Variants in OCA2 observed in about 807,000 individuals in gnomAD.
OCA2 encodes the protein OCA2 melanosomal transmembrane protein.
A neutral mutation model predicts 100.2 loss-of-function variants in OCA2; 77 were observed. The observed-to-expected ratio is 0.77, with a 90% CI of 0.64 to 0.93. The LOEUF is 0.93. Among genes scored for constraint, OCA2 ranks in the 40% least tolerant of loss-of-function variants. The pLI is 0.00. For missense variants in OCA2, 1,062 were observed against 1,089.1 expected (o/e 0.98, Z 0.35); for synonymous variants, 432 against 439.2 (o/e 0.98, Z 0.21).
Position 27,971,135 on chromosome 15 carries a change from G to C in OCA2, c.1504-4313C>G, listed in dbSNP as rs75985354. Among the ~76,000 whole-genome samples the C allele has an allele frequency of 9.3e-5, 14 of 151,000 alleles. No individual in the cohort carries two copies. The South Asian group carries it at 1.7e-3, about 18-fold the overall frequency. Reference sequence around the variant, plus strand: ...ACGGAAAGAACCTCCCAGCATGCAAGACATGATGGGAAAACGTGAAGAACG... The same window carrying C: ...ACGGAAAGAACCTCCCAGCATGCAACACATGATGGGAAAACGTGAAGAACG... On this transcript the variant is annotated intron_variant, in intron 14 of 23. Coordinates refer to ENST00000354638, the MANE Select transcript of OCA2 (RefSeq NM_000275.3).
intron 23 of OCA2, among the ~76,000 whole-genome samples, chr15:27,778,742 C>A (rs571930712): frequency 6.6e-6 from 1 of 152,316 alleles, no homozygotes; most frequent in South Asian, 2.1e-4. Context: ...GTGAGGAAAG[C>A]TGCTGAGAGA....
At chr15:27,960,365 A>G (rs556407390) in intron 15 of OCA2, among the ~76,000 whole-genome samples, 1 of 152,330 alleles carries the variant, frequency 6.6e-6, no homozygotes, top group East Asian at 1.9e-4. Flanking sequence ...GGAAAGAGAT[A>G]TAAGATATAT....
chr15:28,095,888 A>C (rs1163547468), intron 1 of OCA2, among the ~76,000 whole-genome samples: 1 of 152,074 alleles, frequency 6.6e-6, no homozygotes, highest in Non-Finnish European at 1.5e-5. Context: ...TCCAGAGAAA[A>C]CACCCGTCAC....
chr15:28,031,455 C>G (rs1421029049), intron 3 of OCA2, among the ~76,000 whole-genome samples: 4 of 152,240 alleles, frequency 2.6e-5, no homozygotes, highest in African/African-American at 9.6e-5. Context: ...AGGCCTGGCC[C>G]AAGGCCCTTC....
intron 14 of OCA2, among the ~76,000 whole-genome samples, chr15:27,971,113 G>A (rs756918473): frequency 6.7e-5 from 10 of 148,210 alleles, no homozygotes; most frequent in Non-Finnish European, 1.3e-4. Flanking sequence ...TGAGAACACG[G>A]AAAGAACCTC....
At chr15:27,859,255 G>A (rs1380480513) in intron 21 of OCA2, among the ~76,000 whole-genome samples, 2 of 151,982 alleles carry the variant, frequency 1.3e-5, no homozygotes, top group East Asian at 1.9e-4. Context: ...TGAAAGGATC[G>A]ACGATATTGT....
At chr15:27,999,466 C>A (rs1212573990) in intron 9 of OCA2, among the ~76,000 whole-genome samples, 1 of 152,114 alleles carries the variant, frequency 6.6e-6, no homozygotes, top group Non-Finnish European at 1.5e-5. Flanking sequence ...AAATGTACCA[C>A]AACGTAATAA....
At chr15:27,936,093 C>G (rs1011877311) in intron 18 of OCA2, among the ~76,000 whole-genome samples, 15 of 152,324 alleles carry the variant, frequency 9.8e-5, no homozygotes, top group Non-Finnish European at 1.9e-4. Flanking sequence ...CCATCAACTG[C>G]CTGAAATAGA....
chr15:28,033,415 T>G (rs2042964061), intron 2 of OCA2, among the ~76,000 whole-genome samples: 1 of 152,206 alleles, frequency 6.6e-6, no homozygotes, highest in African/African-American at 2.4e-5. Context: ...TTTGCTTGCT[T>G]CTTTCTCATT....
intron 19 of OCA2, among the ~76,000 whole-genome samples, chr15:27,877,301 G>A (rs1346902587): frequency 4.0e-5 from 6 of 151,860 alleles, no homozygotes; most frequent in African/African-American, 1.4e-4. Context: ...TGAATTCTGT[G>A]GTTGTTGGAT....
intron 9 of OCA2, among the ~76,000 whole-genome samples, chr15:27,997,084 G>GAGAA (rs767762161): frequency 4.6e-5 from 6 of 131,090 alleles, no homozygotes; most frequent in African/African-American, 1.7e-4. Context: ...GAGAAAGAGA[G>GAGAA]AGAAAGAAAG....
chr15:28,075,111 AAAGATTTCTTAGAT>A (rs1373817178), intron 2 of OCA2, among the ~76,000 whole-genome samples: 2 of 152,250 alleles, frequency 1.3e-5, no homozygotes, highest in Non-Finnish European at 2.9e-5. Context: ...TGGGTTAAGC[AAAGATTTCTTAGAT>A]ACAACACCAA....
chr15:28,069,394 CTCCCCCTCCCCT>C (rs1566862515), intron 2 of OCA2, among the ~76,000 whole-genome samples: 16 of 16,528 alleles, frequency 9.7e-4, no homozygotes, highest in African/African-American at 1.8e-3. Flanking sequence ...CCCCCTCCCC[CTCCCCCTCCCCT>C]TCCCCCTCCC....
chr15:27,815,880 C>G (rs1371882128), intron 23 of OCA2, among the ~76,000 whole-genome samples: 1 of 152,170 alleles, frequency 6.6e-6, no homozygotes, highest in African/African-American at 2.4e-5. Flanking sequence ...GCCTATAATC[C>G]CAGCACTTTG....
intron 18 of OCA2, among the ~76,000 whole-genome samples, chr15:27,934,491 T>C (rs1045416817): frequency 6.6e-6 from 1 of 152,222 alleles, no homozygotes; most frequent in African/African-American, 2.4e-5. Flanking sequence ...TTCTTTAAAT[T>C]CTCAGTAAGA....
intron 23 of OCA2, among the ~76,000 whole-genome samples, chr15:27,794,381 GTGGAAC>G (rs910549340): frequency 2.2e-4 from 33 of 152,300 alleles, no homozygotes; most frequent in African/African-American, 7.9e-4. Flanking sequence ...AGAACGGGCC[GTGGAAC>G]TGGAAATTTT....
intron 2 of OCA2, among the ~76,000 whole-genome samples, chr15:28,062,474 G>T (rs1041621247): frequency 5.3e-5 from 8 of 152,148 alleles, no homozygotes; most frequent in African/African-American, 1.9e-4. Flanking sequence ...TCCCTTATCA[G>T]ATATATTGTC....
intron 22 of OCA2, among the ~76,000 whole-genome samples, chr15:27,848,489 C>T (rs1470060336): frequency 6.6e-6 from 1 of 152,214 alleles, no homozygotes; most frequent in Non-Finnish European, 1.5e-5. Flanking sequence ...TCAAGCCTCC[C>T]TCCCAGTTTC....
intron 19 of OCA2, among the ~76,000 whole-genome samples, chr15:27,882,710 T>A (rs568675096): frequency 1.3e-5 from 2 of 152,218 alleles, no homozygotes; most frequent in Non-Finnish European, 2.9e-5. Flanking sequence ...TTTTTACTTA[T>A]AAACTAATTG....
Sources: allele counts gnomAD v4.1 joint callset (sites outside exome capture counted in the v4.1 genomes callset), GRCh38; gene constraint gnomAD v4.1.1; transcripts MANE v1.5; gene names NCBI Gene and HGNC (gene_info 2026-07-23, HGNC 2026-07-21).